The following MRPL35 variants were observed in gnomAD, a reference collection of about 807,000 sequenced individuals.
MRPL35 encodes the protein large ribosomal subunit protein bL35m.
A neutral mutation model predicts 21.6 loss-of-function variants in MRPL35; 18 were observed. That is an observed-to-expected ratio of 0.83 (90% confidence interval 0.58 to 1.24). MRPL35 has a LOEUF of 1.24. Among genes scored for constraint, MRPL35 ranks in the 50% most tolerant of loss-of-function variants. The pLI is 0.00. For synonymous variants in MRPL35, 87 were observed against 86.9 expected, an observed-to-expected ratio of 1.00 and a Z score of -0.01; for missense variants, 223 against 223.2, an observed-to-expected ratio of 1.00 and a Z score of 0.01.
intron 2 of MRPL35, among the ~76,000 whole-genome samples, chr2:86,206,572 G>A (rs1461923105): frequency 6.6e-6 from 1 of 152,136 alleles, no homozygotes; most frequent in Non-Finnish European, 1.5e-5. Context: ...TGCCTGCAGG[G>A]GTATCCTAGA....
intron 1 of MRPL35, among the ~76,000 whole-genome samples, chr2:86,204,218 A>G (rs1034665208): frequency 2.0e-5 from 3 of 151,996 alleles, no homozygotes; most frequent in African/African-American, 7.3e-5. Context: ...TCCTGATCTC[A>G]GGTGATCCGC....
At chr2:86,210,088 G>T (rs1367882788) in intron 3 of MRPL35, among the ~76,000 whole-genome samples, 1 of 152,108 alleles carries the variant, frequency 6.6e-6, no homozygotes, top group African/African-American at 2.4e-5. Flanking sequence ...TTTTTTTAAA[G>T]ATGTAAAATA....
chr2:86,213,720 A>G lies in MRPL35; in HGVS notation c.*3052A>G, dbSNP rs760073205. The G allele has an allele frequency of 7.2e-6, 11 of 1,518,068 alleles. No homozygotes were observed. The highest frequency in any genetic ancestry group is 2.0e-5 in the Admixed American group (1 of 50,080). The allele number at this position is 1,518,068 out of a possible 1,614,324, so 94.0% of individuals were successfully genotyped here. On this transcript the variant is annotated 3_prime_UTR_variant, in exon 4 of 4. Transcript: ENST00000337109. ...ACAATTGAAACTCTACCAGTGGACT[A>G]TTCTATTTTCACAGCTACCTAGTTT...
At chr2:86,205,167 G>A (rs1673765763) in intron 1 of MRPL35, among the ~76,000 whole-genome samples, 1 of 152,180 alleles carries the variant, frequency 6.6e-6, no homozygotes, top group Non-Finnish European at 1.5e-5. Flanking sequence ...CAAGGCTGCA[G>A]TGAGCTATGA....
In MRPL35 at chr2:86,199,525, C is replaced by T; in HGVS notation, c.35C>T (p.Ala12Val). Reference sequence around the variant, plus strand: ...TCTGCCTTTGCTGGTGCAGTGAGAGCAGCTTCAGGTCAGTGGAGAGCGACA... The same window carrying T: ...TCTGCCTTTGCTGGTGCAGTGAGAGTAGCTTCAGGTCAGTGGAGAGCGACA... Reference protein sequence around the residue: ...AASAFAGAVRAASGILRPLNI... With the variant: ...AASAFAGAVRVASGILRPLNI... Residue 12 changes from alanine to valine, a missense_variant, in exon 1 of 4, where the codon GCA becomes GTA. Transcript: ENST00000337109. 1 of 1,614,152 alleles carries T rather than the reference C, an allele frequency of 6.2e-7. No homozygotes were observed. The highest frequency in any genetic ancestry group is 1.1e-5 in the South Asian group (1 of 91,082).
intron 1 of MRPL35, among the ~76,000 whole-genome samples, chr2:86,200,156 C>T (rs533089525): frequency 6.6e-6 from 1 of 152,134 alleles, no homozygotes; most frequent in African/African-American, 2.4e-5. Context: ...ATCCAAATAC[C>T]ATAGGATGCT....
At position 86,211,936 on chromosome 2, in the gene MRPL35, C is replaced by T. The variant is rs1036781179; in HGVS notation, c.*1268C>T. On this transcript the variant is annotated 3_prime_UTR_variant, in exon 4 of 4. Coordinates refer to ENST00000337109, the MANE Select transcript of MRPL35 (RefSeq NM_016622.4). ...AAAGTAATCTCAGTTGTTTTAGAAA[C>T]GAAAAAGTTAAGCATTGTTTACTTG... is the stretch of plus-strand genomic sequence containing the variant. The T allele has an allele frequency of 3.1e-5, 31 of 985,598 alleles. No individual in the cohort carries two copies. Among genetic ancestry groups the T allele is most frequent in the Admixed American group, 6.1e-5 (1 of 16,264 alleles). The allele number at this position is 985,598 out of a possible 1,614,324, so 61.1% of individuals were successfully genotyped here. A position where few individuals can be genotyped will look rare whatever the true frequency, so the allele number is the denominator to read the frequency against.
intron 3 of MRPL35, among the ~76,000 whole-genome samples, chr2:86,208,442 G>C (rs1332292484): frequency 6.6e-6 from 1 of 152,120 alleles, no homozygotes; most frequent in Non-Finnish European, 1.5e-5. Flanking sequence ...GAGTAGCTGG[G>C]ATTACAGGCA....
intron 2 of MRPL35, 24 bp downstream of exon 2, chr2:86,206,319 T>G (rs751735720): frequency 2.2e-5 from 34 of 1,552,214 alleles, no homozygotes; most frequent in Non-Finnish European, 1.2e-5. Context: ...CTTTGTGGGG[T>G]TTTTTTTGTT....
At chr2:86,207,709 C>G (rs1483725954) in intron 3 of MRPL35, among the ~76,000 whole-genome samples, 5 of 152,134 alleles carry the variant, frequency 3.3e-5, no homozygotes, top group Admixed American at 3.3e-4. Flanking sequence ...CACTGTAGCT[C>G]ATGCCTGTAA....
intron 1 of MRPL35, among the ~76,000 whole-genome samples, chr2:86,204,740 G>C (rs1457425869): frequency 6.6e-6 from 1 of 152,082 alleles, no homozygotes; most frequent in African/African-American, 2.4e-5. Context: ...ATAGTCAGGC[G>C]AACAGTCTCA....
chr2:86,211,720 T>G lies in MRPL35; in HGVS notation c.*1052T>G, dbSNP rs1387610208. The G allele has an allele frequency of 1.0e-6, 1 of 983,452 alleles. No homozygotes were observed. Among genetic ancestry groups the G allele is most frequent in the African/African-American group, 1.7e-5 (1 of 57,182 alleles). 60.9% of individuals were successfully genotyped at this position (983,452 alleles called of 1,614,324 possible). Reference sequence around the variant, plus strand: ...TTTTGCTCTGTTGCCCAGGCTGGAGTGCAGTGGTGCAATCATAGCTCATTG... The same window carrying G: ...TTTTGCTCTGTTGCCCAGGCTGGAGGGCAGTGGTGCAATCATAGCTCATTG... On this transcript the variant is annotated 3_prime_UTR_variant, in exon 4 of 4. Coordinates refer to ENST00000337109, the MANE Select transcript of MRPL35 (RefSeq NM_016622.4).
chr2:86,203,132 T>C (rs1261160167), intron 1 of MRPL35, among the ~76,000 whole-genome samples: 5 of 147,680 alleles, frequency 3.4e-5, no homozygotes, highest in African/African-American at 1.3e-4. Context: ...CAAGGTGGAG[T>C]GCAGTGGCAC....
In MRPL35 at chr2:86,210,692, A is replaced by G. The variant is rs1227359608; in HGVS notation, c.*24A>G. On this transcript the variant is annotated 3_prime_UTR_variant, in exon 4 of 4. Transcript: ENST00000337109. ...AGATCAGAAGTTTCACTTGTTTCTCAGTTATTGGATATGTATCTTTGTGTA... is the reference window on the plus strand; with the variant it reads ...AGATCAGAAGTTTCACTTGTTTCTCGGTTATTGGATATGTATCTTTGTGTA... 1 of 1,593,054 alleles carries G rather than the reference A, an allele frequency of 6.3e-7. No individual in the cohort carries two copies.
intron 3 of MRPL35, among the ~76,000 whole-genome samples, chr2:86,208,145 T>G (rs1673838409): frequency 6.6e-6 from 1 of 152,186 alleles, no homozygotes; most frequent in South Asian, 2.1e-4. Context: ...GTTGGAACTC[T>G]CAGCTCATTT....
intron 3 of MRPL35, among the ~76,000 whole-genome samples, chr2:86,209,621 A>G (rs942067542): frequency 6.6e-6 from 1 of 152,218 alleles, no homozygotes; most frequent in Non-Finnish European, 1.5e-5. Context: ...CATATTCATA[A>G]TTCCTTAGAA....
At position 86,212,479 on chromosome 2, in the gene MRPL35, C is replaced by A; in HGVS notation, c.*1811C>A. ...CCACATCTTTGTCACCTGCCTGGCTCCTGCTCTCTGATGTACCTCTGGGTA... is the reference window on the plus strand; with the variant it reads ...CCACATCTTTGTCACCTGCCTGGCTACTGCTCTCTGATGTACCTCTGGGTA... On this transcript the variant is annotated 3_prime_UTR_variant, in exon 4 of 4. Coordinates refer to ENST00000337109, the MANE Select transcript of MRPL35 (RefSeq NM_016622.4). 6.2e-7 allele frequency: 1 copy of A among 1,613,284 alleles called. No homozygotes were observed. Among genetic ancestry groups the A allele is most frequent in the Non-Finnish European group, 8.5e-7 (1 of 1,179,660 alleles).
intron 3 of MRPL35, among the ~76,000 whole-genome samples, chr2:86,208,409 C>A (rs1673844551): frequency 6.6e-6 from 1 of 152,058 alleles, no homozygotes; most frequent in Admixed American, 6.6e-5. Flanking sequence ...CGGGTTCAGG[C>A]CATTCTCCTG....
At chr2:86,203,623 A>G (rs893932867) in intron 1 of MRPL35, among the ~76,000 whole-genome samples, 2 of 152,104 alleles carry the variant, frequency 1.3e-5, no homozygotes, top group Non-Finnish European at 2.9e-5. Context: ...ATAATACTCA[A>G]CCTGTATCAT....
Sources: allele counts gnomAD v4.1 joint callset (sites outside exome capture counted in the v4.1 genomes callset), GRCh38; gene constraint gnomAD v4.1.1; transcripts MANE v1.5; gene names NCBI Gene and HGNC (gene_info 2026-07-23, HGNC 2026-07-21).